CADPS: variants seen among roughly 807,000 people sequenced by gnomAD.
The protein encoded by CADPS is calcium-dependent secretion activator 1.
Under a neutral mutation model 167.3 loss-of-function variants are expected in CADPS, and 57 were observed. That is an observed-to-expected ratio of 0.34 (90% confidence interval 0.28 to 0.42). The LOEUF (loss-of-function observed/expected upper bound fraction) is 0.42. CADPS is among the 20% of genes least tolerant of loss of function. CADPS has a pLI of 1.00. For missense variants in CADPS, 1,414 were observed against 1,738.1 expected (o/e 0.81, Z 3.32); for synonymous variants, 676 against 635.3 (o/e 1.06, Z -0.96).
At chr3:62,501,379 T>C (rs1273734924) in intron 17 of CADPS, among the ~76,000 whole-genome samples, 2 of 152,226 alleles carry the variant, frequency 1.3e-5, no homozygotes, top group Admixed American at 1.3e-4. Context: ...TTTTGGGTAA[T>C]ATGTGTAGAG....
intron 9 of CADPS, among the ~76,000 whole-genome samples, chr3:62,558,042 T>A (rs567448045): frequency 6.6e-6 from 1 of 152,354 alleles, no homozygotes; most frequent in East Asian, 1.9e-4. Flanking sequence ...GTATTTTATT[T>A]TTTGCAGCAT....
chr3:62,447,711 T>A (rs1424741705), intron 26 of CADPS, among the ~76,000 whole-genome samples: 3 of 152,230 alleles, frequency 2.0e-5, no homozygotes, highest in African/African-American at 4.8e-5. Context: ...GAAAGGTGAC[T>A]GCCTGCAGAG....
Position 62,408,241 on chromosome 3 carries a change from T to G in CADPS, c.3778-5056A>C, listed in dbSNP as rs75432389. The stretch of plus-strand genomic sequence containing the variant: ...CAAGGCCAGGATTAGGGTGAGGGAG[T>G]AGGGCAGGGTTGTACAAGTGCAGGA... On this transcript the variant is annotated intron_variant, in intron 28 of 29. Transcript: ENST00000383710. Among the ~76,000 whole-genome samples, 4 of 152,232 alleles carry G rather than the reference T, an allele frequency of 2.6e-5. No homozygotes were observed. In the East Asian group the frequency reaches 7.7e-4, roughly 29 times the overall value.
At chr3:62,716,344 G>C (rs1043146379) in intron 3 of CADPS, among the ~76,000 whole-genome samples, 2 of 152,196 alleles carry the variant, frequency 1.3e-5, no homozygotes, top group Non-Finnish European at 2.9e-5. Context: ...GTGAGCCATT[G>C]TGCCTGGCCT....
chr3:62,670,166 AATG>A (rs2075262503), intron 3 of CADPS, among the ~76,000 whole-genome samples: 1 of 152,182 alleles, frequency 6.6e-6, no homozygotes, highest in South Asian at 2.1e-4. Flanking sequence ...GGACTATTGT[AATG>A]ATGACAATAA....
In CADPS at chr3:62,753,350, C is replaced by A; in HGVS notation, c.888+91G>T. ...GAGTAATAAAATATAAGTTTTAATC[C>A]TTTTTTTAAAAAAATCAAGAAGTAT... is the stretch of plus-strand genomic sequence containing the variant. On this transcript the variant is annotated intron_variant, in intron 3 of 29. Transcript: ENST00000383710. The surrounding 1 kb of genome is among the most constrained non-coding windows in gnomAD (Gnocchi z 4.6). 2 of 989,754 alleles carry A rather than the reference C, an allele frequency of 2.0e-6. No individual in the cohort carries two copies. Among genetic ancestry groups the A allele is most frequent in the East Asian group, 2.4e-5 (1 of 41,312 alleles). The allele number at this position is 989,754 out of a possible 1,614,324, so 61.3% of individuals were successfully genotyped here.
At chr3:62,521,776 G>T (rs2070665223) in intron 13 of CADPS, among the ~76,000 whole-genome samples, 1 of 152,164 alleles carries the variant, frequency 6.6e-6, no homozygotes, top group Non-Finnish European at 1.5e-5. Flanking sequence ...TTGGAGGAGT[G>T]GCCTCAGCCA....
At chr3:62,821,709 G>A (rs548634131) in intron 1 of CADPS, among the ~76,000 whole-genome samples, 1 of 152,248 alleles carries the variant, frequency 6.6e-6, no homozygotes, top group South Asian at 2.1e-4. Flanking sequence ...CAAAGACCCT[G>A]TCTCCAAATG....
intron 16 of CADPS, among the ~76,000 whole-genome samples, chr3:62,515,781 C>A (rs1213402584): frequency 1.3e-5 from 2 of 152,114 alleles, no homozygotes; most frequent in South Asian, 2.1e-4. Flanking sequence ...TTAGGGCCAA[C>A]ACAGACTCTC....
chr3:62,594,879 G>C (rs1338695380), intron 6 of CADPS, among the ~76,000 whole-genome samples: 2 of 152,186 alleles, frequency 1.3e-5, no homozygotes, highest in African/African-American at 2.4e-5. Context: ...TTGGGAACGA[G>C]AGTTCAAATC....
chr3:62,684,560 T>C (rs1025648595), intron 3 of CADPS, among the ~76,000 whole-genome samples: 8 of 152,072 alleles, frequency 5.3e-5, no homozygotes, highest in South Asian at 2.1e-4. Flanking sequence ...AGAACATTAA[T>C]GGTTAGGGAG....
At chr3:62,688,132 T>C (rs1221744334) in intron 3 of CADPS, among the ~76,000 whole-genome samples, 2 of 152,014 alleles carry the variant, frequency 1.3e-5, no homozygotes, top group Non-Finnish European at 2.9e-5. Context: ...CTACTAGCAT[T>C]TTGGAATGAA....
chr3:62,710,126 A>G (rs1000090518), intron 3 of CADPS, among the ~76,000 whole-genome samples: 9 of 152,002 alleles, frequency 5.9e-5, no homozygotes, highest in Non-Finnish European at 1.0e-4. Context: ...TTATTCCGTT[A>G]ATTAAAAGTC....
chr3:62,452,914 G>A (rs965197721), intron 26 of CADPS, among the ~76,000 whole-genome samples: 1 of 151,984 alleles, frequency 6.6e-6, no homozygotes, highest in African/African-American at 2.4e-5. Context: ...AGGAGTTCAA[G>A]ACCAGCCTGG....
chr3:62,657,674 G>A (rs992509228), intron 4 of CADPS, among the ~76,000 whole-genome samples: 3 of 152,130 alleles, frequency 2.0e-5, no homozygotes, highest in African/African-American at 4.8e-5. Context: ...TGTTCACAGT[G>A]AGACCATCTC....
chr3:62,471,292 G>T (rs3796378), intron 24 of CADPS, among the ~76,000 whole-genome samples: 1 of 152,164 alleles, frequency 6.6e-6, no homozygotes, highest in East Asian at 1.9e-4. Flanking sequence ...AAAGAGAAAA[G>T]AAGGGTCCGC....
At position 62,446,289 on chromosome 3, in the gene CADPS, G is replaced by A. The variant is rs1037065000; in HGVS notation, c.3637-492C>T. On this transcript the variant is annotated intron_variant, in intron 26 of 29. Transcript: ENST00000383710. The surrounding 1 kb of genome is among the most constrained non-coding windows in gnomAD (Gnocchi z 4.9). ...CAACCCAGAGGGAGATGGTGTCTGCGGGTAGGGGGATGAGAACCTTTCAAA... is the reference window on the plus strand; with the variant it reads ...CAACCCAGAGGGAGATGGTGTCTGCAGGTAGGGGGATGAGAACCTTTCAAA... Among the ~76,000 whole-genome samples the A allele has an allele frequency of 1.3e-5, 2 of 152,178 alleles. No homozygotes were observed. The highest frequency in any genetic ancestry group is 4.8e-5 in the African/African-American group (2 of 41,458).
chr3:62,673,740 C>T (rs1235835079), intron 3 of CADPS, among the ~76,000 whole-genome samples: 1 of 152,082 alleles, frequency 6.6e-6, no homozygotes, highest in Non-Finnish European at 1.5e-5. Context: ...GTTTGGGCAG[C>T]TGATTTGATG....
chr3:62,831,147 C>T (rs775653886), intron 1 of CADPS, among the ~76,000 whole-genome samples: 13 of 152,124 alleles, frequency 8.5e-5, no homozygotes, highest in Non-Finnish European at 1.8e-4. Context: ...TCACTTCTAA[C>T]CATAGATAAG....
Sources: gnomAD v4.1 joint callset for allele counts (sites outside exome capture counted in the v4.1 genomes callset) on GRCh38, gnomAD v4.1.1 for gene constraint, Gnocchi (gnomAD v3.1) non-coding constraint, MANE v1.5 for transcripts, NCBI Gene and HGNC (gene_info 2026-07-23, HGNC 2026-07-21) for gene names.